Variants in CATSPERT observed in about 807,000 individuals in gnomAD.
CATSPERT encodes cation channel sperm-associated targeting subunit tau.
chr2:201,579,325 GACCTCACTGGGCTCAGGTGATTTT>G, the CATSPERT span, among the ~76,000 whole-genome samples: 1 of 151,924 alleles, frequency 6.6e-6, no homozygotes, highest in Non-Finnish European at 1.5e-5. Context: ...CTGCAGCCTC[GACCTCACTGGGCTCAGGTGATTTT>G]CCTGCCTCAG....
At chr2:201,572,097 G>A in the CATSPERT span, 1 of 1,045,124 alleles carries the variant, frequency 9.6e-7, no homozygotes, top group Non-Finnish European at 1.5e-6. Context: ...ATACCATATT[G>A]ATACCATAAT....
chr2:201,607,711 A>G, the CATSPERT span, among the ~76,000 whole-genome samples: 1 of 152,220 alleles, frequency 6.6e-6, no homozygotes, highest in East Asian at 1.9e-4. Context: ...ATGGTAATCA[A>G]TACTTAAGAG....
the CATSPERT span, chr2:201,491,301 A>G: frequency 6.5e-7 from 1 of 1,537,922 alleles, no homozygotes; most frequent in East Asian, 2.4e-5. Flanking sequence ...GTTGGGCGAC[A>G]CGGTCTCTTT....
chr2:201,589,114 CA>C, the CATSPERT span, among the ~76,000 whole-genome samples: 1 of 151,988 alleles, frequency 6.6e-6, no homozygotes, highest in African/African-American at 2.4e-5. Context: ...GATGACACAA[CA>C]AATGGTAGAA....
At chr2:201,599,321 C>T in the CATSPERT span, among the ~76,000 whole-genome samples, 12 of 152,170 alleles carry the variant, frequency 7.9e-5, no homozygotes, top group South Asian at 1.2e-3. Context: ...CTAAGTTTTG[C>T]CTTCATGTTT....
At chr2:201,559,152 C>T in the CATSPERT span, among the ~76,000 whole-genome samples, 8,200 of 152,290 alleles carry the variant, frequency 0.054, 269 homozygotes, top group African/African-American at 0.077. Context: ...CGTAGCACCC[C>T]TGGCTTGCCC....
the CATSPERT span, among the ~76,000 whole-genome samples, chr2:201,590,897 A>G: frequency 1.3e-5 from 2 of 151,508 alleles, no homozygotes; most frequent in African/African-American, 4.8e-5. Context: ...TTGTCAGATG[A>G]GTAGGTTGCG....
the CATSPERT span, chr2:201,604,473 T>A: frequency 4.4e-6 from 2 of 458,958 alleles, no homozygotes; most frequent in Non-Finnish European, 7.6e-6. Flanking sequence ...ATTTCAGTGA[T>A]TATTACAATG....
At chr2:201,578,116 A>G in the CATSPERT span, among the ~76,000 whole-genome samples, 3 of 152,178 alleles carry the variant, frequency 2.0e-5, no homozygotes, top group Non-Finnish European at 1.5e-5. Context: ...TATTAGAAAC[A>G]TACTACATTT....
the CATSPERT span, among the ~76,000 whole-genome samples, chr2:201,522,984 G>T: frequency 2.6e-5 from 4 of 152,180 alleles, no homozygotes; most frequent in African/African-American, 9.7e-5. Context: ...TTTCCCAGAA[G>T]CCACTGCCAT....
At chr2:201,618,969 G>A in the CATSPERT span, 4 of 1,614,000 alleles carry the variant, frequency 2.5e-6, no homozygotes, top group Non-Finnish European at 3.4e-6. Flanking sequence ...CCTGGTTCAG[G>A]GCGTAAGGGA....
the CATSPERT span, among the ~76,000 whole-genome samples, chr2:201,598,602 T>C: frequency 3.3e-5 from 5 of 152,038 alleles, no homozygotes; most frequent in Non-Finnish European, 7.4e-5. Flanking sequence ...CCACTTTTTT[T>C]TTTTGGTCTC....
chr2:201,529,883 A>G, the CATSPERT span, among the ~76,000 whole-genome samples: 1 of 152,212 alleles, frequency 6.6e-6, no homozygotes, highest in Admixed American at 6.5e-5. Flanking sequence ...TTCAAAATAT[A>G]TAAGGTACAC....
the CATSPERT span, among the ~76,000 whole-genome samples, chr2:201,530,881 C>T: frequency 2.1e-3 from 324 of 151,488 alleles, 1 homozygote; most frequent in Non-Finnish European, 3.4e-3. Flanking sequence ...ACATACAGTG[C>T]GGCCCAGGAG....
chr2:201,555,469 C>T, the CATSPERT span: 1 of 152,168 alleles, frequency 6.6e-6, no homozygotes, highest in African/African-American at 2.4e-5. Flanking sequence ...AAGCCAAGAT[C>T]GTGCCATTTC....
At chr2:201,496,586 G>A in the CATSPERT span, among the ~76,000 whole-genome samples, 4 of 152,100 alleles carry the variant, frequency 2.6e-5, no homozygotes, top group African/African-American at 4.8e-5. Context: ...CAAGTGATCC[G>A]TTTTCCTTGG....
At chr2:201,604,649 T>C in the CATSPERT span, 2 of 1,605,508 alleles carry the variant, frequency 1.2e-6, no homozygotes, top group Non-Finnish European at 1.7e-6. Flanking sequence ...GTCTCCTGTG[T>C]TATTTCCAGT....
At chr2:201,522,854 G>A in the CATSPERT span, among the ~76,000 whole-genome samples, 3 of 152,144 alleles carry the variant, frequency 2.0e-5, no homozygotes, top group African/African-American at 7.2e-5. Context: ...GGGGTATCTT[G>A]CCTGTGAGAC....
chr2:201,525,182 A>C, the CATSPERT span, among the ~76,000 whole-genome samples: 189 of 152,330 alleles, frequency 1.2e-3, 1 homozygote, highest in Non-Finnish European at 2.2e-3. Context: ...TGCATGTGGC[A>C]CATGCTCTAA....
Sources: allele counts gnomAD v4.1 joint callset (sites outside exome capture counted in the v4.1 genomes callset), GRCh38; gene constraint gnomAD v4.1.1; transcripts MANE v1.5; gene names NCBI Gene and HGNC (gene_info 2026-07-23, HGNC 2026-07-21).